Variants in SYVN1 observed in about 807,000 individuals in gnomAD.
SYVN1 encodes E3 ubiquitin-protein ligase synoviolin.
A neutral mutation model predicts 62.6 loss-of-function variants in SYVN1; 17 were observed. The ratio of observed to expected loss-of-function variants is 0.27; its 90% CI spans 0.19 to 0.41. SYVN1 has a LOEUF of 0.41. Ranked by LOEUF, SYVN1 falls within the 10% of genes least tolerant of loss-of-function variation. SYVN1 has a pLI of 1.00. For synonymous variants in SYVN1, 316 were observed against 304.0 expected, an observed-to-expected ratio of 1.04 and a Z score of -0.41; for missense variants, 634 against 818.0, an observed-to-expected ratio of 0.78 and a Z score of 2.74.
chr11:65,133,129 G>C, intron 3 of SYVN1, 31 bp downstream of exon 3: 1 of 1,614,144 alleles, frequency 6.2e-7, no homozygotes. Flanking sequence ...CCAGCACCCT[G>C]CCCTCACCTT....
At position 65,130,321 on chromosome 11, in the gene SYVN1, C is replaced by T. The variant is rs1435039782; in HGVS notation, c.1164G>A (p.Met388Ile). Residue 388 changes from methionine (M) to isoleucine (I), a missense_variant, in exon 12 of 16, where the codon ATG (methionine) becomes ATA (isoleucine). Coordinates refer to ENST00000377190, the MANE Select transcript of SYVN1 (RefSeq NM_172230.3). ...GAGGCGGGACAGGTGGAAAGGGGCCCATGGGGGGCCACAGTGGGAACATGC... is the reference window on the plus strand; with the variant it reads ...GAGGCGGGACAGGTGGAAAGGGGCCTATGGGGGGCCACAGTGGGAACATGC... The part of the protein sequence containing the change: ...PPGMFPLWPP[M>I]GPFPPVPPPP... The T allele has an allele frequency of 6.3e-7, 1 of 1,579,754 alleles. No individual in the cohort carries two copies.
chr11:65,130,421 A>C, intron 11 of SYVN1, 42 bp from the exon 12 acceptor site: 1 of 1,504,438 alleles, frequency 6.6e-7, no homozygotes, highest in Non-Finnish European at 8.9e-7. Flanking sequence ...CCAAATGGAC[A>C]CAGACCCAAC....
Position 65,127,749 on chromosome 11 carries a change from A to AGGGGG in SYVN1, c.*632_*633insCCCCC, listed in dbSNP as rs1165921433. ...CTGCAGAGGAAAGGGGCCTGGGGGG[A>AGGGGG]GGGGCGGGGCAGGGTCCCTCAGTGC... On this transcript the variant is annotated 3_prime_UTR_variant, in exon 16 of 16. Coordinates refer to ENST00000377190, the MANE Select transcript of SYVN1 (RefSeq NM_172230.3). The AGGGGG allele has an allele frequency of 1.3e-5, 1 of 75,870 alleles. No individual in the cohort carries two copies. The highest frequency in any genetic ancestry group is 2.8e-5 in the Non-Finnish European group (1 of 35,634). The allele number at this position is 75,870 out of a possible 1,614,324, so 4.7% of individuals were successfully genotyped here. A position where few individuals can be genotyped will look rare whatever the true frequency, so the allele number is the denominator to read the frequency against.
rs1565346981 is a variant in SYVN1 at position 65,131,116 on chromosome 11, T to C, written c.824+16A>G. 1 of 1,614,160 alleles carries C rather than the reference T, an allele frequency of 6.2e-7. No homozygotes were observed. The highest frequency in any genetic ancestry group is 1.3e-5 in the African/African-American group (1 of 75,036). Reference sequence around the variant, plus strand: ...AGGACCGAGCTTGGGACAGCAGCCATGACAAGCCTACTTACAGGGTGTTCA... The same window carrying C: ...AGGACCGAGCTTGGGACAGCAGCCACGACAAGCCTACTTACAGGGTGTTCA... On this transcript the variant is annotated intron_variant, in intron 9 of 15. Transcript: ENST00000377190.
At position 65,129,801 on chromosome 11, in the gene SYVN1, C is replaced by T. The variant is rs150935409; in HGVS notation, c.1523G>A (p.Arg508His). Reference sequence around the variant, plus strand: ...GGCGTCCAGCAGTGTGTGGATGTTACGCAGGCTCTGCAGCCGGGCCTCCAG... The same window carrying T: ...GGCGTCCAGCAGTGTGTGGATGTTATGCAGGCTCTGCAGCCGGGCCTCCAG... ...QHLEARLQSL[R>H]NIHTLLDAAM... Residue 508 changes from arginine (R) to histidine (H), a missense_variant, in exon 14 of 16, where the codon CGT becomes CAT. Coordinates refer to ENST00000377190, the MANE Select transcript of SYVN1 (RefSeq NM_172230.3). The T allele has an allele frequency of 6.6e-5, 107 of 1,614,124 alleles. No homozygotes were observed. The highest frequency in any genetic ancestry group is 7.9e-5 in the Non-Finnish European group (93 of 1,180,048).
Position 65,130,294 on chromosome 11 carries a change from G to A in SYVN1, c.1191C>T (p.Pro397=), listed in dbSNP as rs1486238722. 6.3e-7 allele frequency: 1 copy of A among 1,596,928 alleles called. No individual in the cohort carries two copies. Among genetic ancestry groups the A allele is most frequent in the East Asian group, 2.3e-5 (1 of 44,356 alleles). The change falls in exon 12 of 16, where the codon CCC becomes CCT. Residue 397 remains proline, a synonymous_variant. Coordinates refer to ENST00000377190, the MANE Select transcript of SYVN1 (RefSeq NM_172230.3). ...PMGPFPPVPP[P]PSSGEAVAPP... The stretch of plus-strand genomic sequence containing the variant: ...GAGCCACAGCCTCTCCTGAGCTGGG[G>A]GGAGGCGGGACAGGTGGAAAGGGGC...
Position 65,128,418 on chromosome 11 carries a change from G to C in SYVN1, c.1818C>G (p.Arg606=). The C allele has an allele frequency of 6.2e-7, 1 of 1,613,940 alleles. No homozygotes were observed. The highest frequency in any genetic ancestry group is 2.2e-5 in the East Asian group (1 of 44,884). ...CAGGAGACTCCAGCTTCTGCAGGCG[G>C]CGCCGGCGGAGCTCTGCTGCATCGG... ...GEPDAAELRR[R]RLQKLESPVA... Residue 606 remains arginine, a synonymous_variant, in exon 16 of 16, where the codon CGC becomes CGG. Transcript: ENST00000377190.
rs1461699013 is a variant in SYVN1, at chr11:65,128,326, A to G, written c.*56T>C. 1 of 1,417,848 alleles carries G rather than the reference A, an allele frequency of 7.1e-7. No individual in the cohort carries two copies. 87.8% of individuals were successfully genotyped at this position (1,417,848 alleles called of 1,614,324 possible). A position where few individuals can be genotyped will look rare whatever the true frequency, so the allele number is the denominator to read the frequency against. The stretch of plus-strand genomic sequence containing the variant: ...GGGAGCTGGCACTTGGTGGCAGGAC[A>G]TGTTCCAGCGAGGGCTGCTCAAAAG... On this transcript the variant is annotated 3_prime_UTR_variant, in exon 16 of 16. Transcript: ENST00000377190.
intron 14 of SYVN1, chr11:65,129,469 G>A (rs1435201413): frequency 2.4e-6 from 1 of 419,992 alleles, no homozygotes; most frequent in African/African-American, 2.0e-5. Context: ...TGAATAATTT[G>A]ACTTTAGAAA....
At chr11:65,129,412 C>A in intron 14 of SYVN1, 1 of 262,478 alleles carries the variant, frequency 3.8e-6, no homozygotes, top group Non-Finnish European at 7.3e-6. Context: ...TAAGTGTCAC[C>A]ACATCTCAGA....
chr11:65,131,331 A>C lies in SYVN1; in HGVS notation c.701T>G (p.Met234Arg). 1 of 1,614,146 alleles carries C rather than the reference A, an allele frequency of 6.2e-7. No homozygotes were observed. Among genetic ancestry groups the C allele is most frequent in the Non-Finnish European group, 8.5e-7 (1 of 1,180,014 alleles). Reference protein sequence around the residue: ...VLLYMAFMTIMIKVHTFPLFA... With the variant: ...VLLYMAFMTIRIKVHTFPLFA... ...GAGTGGGAAGGTGTGCACCTTGATCATGATGGTCATGAAGGCCATGTACAG... is the reference window on the plus strand; with the variant it reads ...GAGTGGGAAGGTGTGCACCTTGATCCTGATGGTCATGAAGGCCATGTACAG... Residue 234 changes from methionine to arginine, a missense_variant, in exon 8 of 16, where the codon ATG becomes AGG. Coordinates refer to ENST00000377190, the MANE Select transcript of SYVN1 (RefSeq NM_172230.3).
rs3802937 is a variant in SYVN1, at chr11:65,129,927, G to C, written c.1409-12C>G. The C allele has an allele frequency of 3.1e-6, 5 of 1,612,296 alleles. No homozygotes were observed. The East Asian group carries it at 6.7e-5, about 22-fold the overall frequency. On this transcript the variant is annotated splice_polypyrimidine_tract_variant and intron_variant, in intron 13 of 15. Transcript: ENST00000377190. Reference sequence around the variant, plus strand: ...CATTGGGGGGAAGGCTGGAGAGAGAGAGGCTCAGTCTGGGCTGCTGGGGCC... The same window carrying C: ...CATTGGGGGGAAGGCTGGAGAGAGACAGGCTCAGTCTGGGCTGCTGGGGCC...
intron 1 of SYVN1, 109 bp from the exon 2 acceptor site, chr11:65,133,727 G>T: frequency 1.1e-6 from 1 of 879,982 alleles, no homozygotes; most frequent in Non-Finnish European, 1.7e-6. Context: ...ATCACATTTC[G>T]CCCTCGAAAT....
In SYVN1 at chr11:65,132,332, G is replaced by A. The variant is rs1409874664; in HGVS notation, c.447C>T (p.Gly149=). The part of the protein sequence containing the change: ...CRIVSLMFLL[G]ILDFLFVSHA... ...GGCTGACGAAGAGGAAGTCCAGGAT[G>A]CCCAGGAGGAACATAAGAGCTGTGG... Residue 149 remains glycine (G), a synonymous_variant, in exon 6 of 16, where the codon GGC becomes GGT. Transcript: ENST00000377190. 2 of 1,613,836 alleles carry A rather than the reference G, an allele frequency of 1.2e-6. No homozygotes were observed. The highest frequency in any genetic ancestry group is 2.7e-5 in the African/African-American group (2 of 74,926).
chr11:65,130,755 G>A lies in SYVN1; in HGVS notation c.1010C>T (p.Ser337Leu), dbSNP rs368203925. Reference protein sequence around the residue: ...PTCRMDVLRASLPAQSPPPPE... With the variant: ...PTCRMDVLRALLPAQSPPPPE... ...GGGTGGTGGTGACTGCGCTGGCAGC[G>A]ATGCACGAAGGACATCCATACGGCA... Residue 337 changes from serine to leucine, a missense_variant, in exon 11 of 16, where the codon TCG (serine) becomes TTG (leucine). By Grantham distance (145) the Ser-to-Leu change is moderately radical. Transcript: ENST00000377190. 3.1e-5 allele frequency: 47 copies of A among 1,536,948 alleles called. No homozygotes were observed. The highest frequency in any genetic ancestry group is 2.1e-4 in the African/African-American group (15 of 72,556).
intron 8 of SYVN1, 26 bp downstream of exon 8, chr11:65,131,248 G>A (rs761350989): frequency 7.4e-6 from 12 of 1,614,012 alleles, no homozygotes; most frequent in Non-Finnish European, 1.0e-5. Context: ...CAGGTCAGGA[G>A]GATCGGGGGA....
Position 65,131,206 on chromosome 11 carries a change from ACAGT to A in SYVN1, c.759-13_759-10del. On this transcript the variant is annotated splice_polypyrimidine_tract_variant and intron_variant, in intron 8 of 15. Transcript: ENST00000377190. ...CAGCTTTCTTGAACTGTCTGAAAGG[ACAGT>A]CAGTGAAAGCAGGAGAAGGGACGGG... The A allele has an allele frequency of 6.2e-7, 1 of 1,614,102 alleles. No individual in the cohort carries two copies. Among genetic ancestry groups the A allele is most frequent in the Non-Finnish European group, 8.5e-7 (1 of 1,179,980 alleles).
chr11:65,130,594 C>G, intron 11 of SYVN1, 66 bp downstream of exon 11: 1 of 1,480,140 alleles, frequency 6.8e-7, no homozygotes, highest in Non-Finnish European at 9.0e-7. Flanking sequence ...TTCCCAGCAT[C>G]TTCCACATCC....
Position 65,130,375 on chromosome 11 carries a change from G to A in SYVN1, c.1110C>T (p.Pro370=), listed in dbSNP as rs1317693891. The part of the protein sequence containing the change: ...PPLLPQPPNF[P]QGLLPPFPPG... ...GAGGAAAAGGAGGCAGGAGGCCCTGGGGGACTGCAGAGAGAAGACGGAGGT... is the reference window on the plus strand; with the variant it reads ...GAGGAAAAGGAGGCAGGAGGCCCTGAGGGACTGCAGAGAGAAGACGGAGGT... Residue 370 remains proline, a synonymous_variant, in exon 12 of 16, where the codon CCC becomes CCT. Transcript: ENST00000377190. 1.3e-6 allele frequency: 2 copies of A among 1,534,352 alleles called. No homozygotes were observed. Among genetic ancestry groups the A allele is most frequent in the Non-Finnish European group, 1.7e-6 (2 of 1,143,286 alleles).
Sources: gnomAD v4.1 joint callset for allele counts on GRCh38, gnomAD v4.1.1 for gene constraint, MANE v1.5 for transcripts, NCBI Gene and HGNC (gene_info 2026-07-23, HGNC 2026-07-21) for gene names.